ATRX: variants seen among roughly 807,000 people sequenced by gnomAD.
The protein encoded by ATRX is chromatin remodeler ATRX.
A neutral mutation model predicts 172.6 loss-of-function variants in ATRX; 12 were observed. That is an observed-to-expected ratio of 0.07 (90% CI 0.04 to 0.11). The LOEUF is 0.11. Ranked by LOEUF, ATRX falls within the 10% of genes least tolerant of loss-of-function variation. ATRX has a pLI of 1.00. For synonymous variants in ATRX, 674 were observed against 594.7 expected (o/e 1.13, Z -1.94); for missense variants, 1,368 against 1,767.4 (o/e 0.77, Z 4.05).
At chrX:77,720,837 T>C (rs782169823) in intron 1 of ATRX, among the ~76,000 whole-genome samples, 37 of 111,679 alleles carry the variant, frequency 3.3e-4, no homozygotes, top group African/African-American at 1.2e-3. Flanking sequence ...GAGGCCAGCA[T>C]CATCCTGATA....
intron 1 of ATRX, among the ~76,000 whole-genome samples, chrX:77,720,345 G>C (rs2073684857): frequency 8.9e-6 from 1 of 111,828 alleles, no homozygotes; most frequent in South Asian, 3.7e-4. Flanking sequence ...AGAACTCAAA[G>C]AGATAGAGAC....
intron 9 of ATRX, among the ~76,000 whole-genome samples, chrX:77,678,059 T>C (rs1176721088): frequency 9.1e-6 from 1 of 110,145 alleles, no homozygotes; most frequent in Non-Finnish European, 1.9e-5. Flanking sequence ...ATACAAAAAT[T>C]AGCCAATGTG....
chrX:77,785,112 T>G (rs1603353063), intron 1 of ATRX, among the ~76,000 whole-genome samples: 2 of 111,620 alleles, frequency 1.8e-5, no homozygotes, highest in South Asian at 3.7e-4. Flanking sequence ...TAAACGTGCT[T>G]GATTGGTTAA....
chrX:77,686,575 G>C (rs1439849162), intron 7 of ATRX, among the ~76,000 whole-genome samples: 1 of 110,175 alleles, frequency 9.1e-6, no homozygotes, highest in African/African-American at 3.3e-5. Context: ...AATTAGCCGG[G>C]CGTGGTGGCA....
chrX:77,612,803 G>C lies in ATRX; in HGVS notation c.5566+3810C>G, dbSNP rs182024379. 4.5e-5 allele frequency among the ~76,000 whole-genome samples: 5 copies of C among 111,032 alleles called. No homozygotes were observed. In the Admixed American group the frequency reaches 4.8e-4, roughly 11 times the overall value. ...ATCACCATTCTACTTTCTACTCGTA[G>C]AGTTTGGCTACTCTAGGTACCTTTA... is the stretch of plus-strand genomic sequence containing the variant. On this transcript the variant is annotated intron_variant, in intron 22 of 34. Coordinates refer to ENST00000373344, the MANE Select transcript of ATRX (RefSeq NM_000489.6).
At chrX:77,520,314 A>C (rs1187419432) in intron 34 of ATRX, among the ~76,000 whole-genome samples, 1 of 111,711 alleles carries the variant, frequency 9.0e-6, no homozygotes, top group African/African-American at 3.2e-5. Context: ...GTATAACTGG[A>C]TTGTTTGTAA....
intron 1 of ATRX, among the ~76,000 whole-genome samples, chrX:77,722,292 A>G (rs1569542805): frequency 9.0e-6 from 1 of 111,119 alleles, no homozygotes; most frequent in African/African-American, 3.3e-5. Flanking sequence ...CTAAAACACC[A>G]AAAGCAATGA....
At chrX:77,690,839 C>G (rs2071843503) in intron 6 of ATRX, 1 of 112,032 alleles carries the variant, frequency 8.9e-6, no homozygotes, top group Non-Finnish European at 1.9e-5. Context: ...ATACATCGCT[C>G]AAGAATTAAA....
chrX:77,646,548 C>A (rs974143855), intron 15 of ATRX, among the ~76,000 whole-genome samples: 2 of 111,567 alleles, frequency 1.8e-5, no homozygotes, highest in African/African-American at 6.5e-5. Flanking sequence ...CAGTTGGAGA[C>A]ATAAATAGCC....
intron 30 of ATRX, among the ~76,000 whole-genome samples, chrX:77,550,515 A>T (rs1322622862): frequency 2.7e-5 from 3 of 111,644 alleles, no homozygotes; most frequent in Non-Finnish European, 3.8e-5. Flanking sequence ...TATCATACTG[A>T]ATGGGCAAAA....
At chrX:77,702,298 C>T (rs782776309) in intron 2 of ATRX, among the ~76,000 whole-genome samples, 3 of 111,792 alleles carry the variant, frequency 2.7e-5, no homozygotes, top group Non-Finnish European at 5.6e-5. Context: ...CAAAAATTAG[C>T]TGGGCGTGGT....
intron 27 of ATRX, among the ~76,000 whole-genome samples, chrX:77,586,168 TA>T (rs1446097592): frequency 3.9e-4 from 44 of 112,664 alleles, no homozygotes; most frequent in African/African-American, 1.4e-3. Context: ...TCACAAAGGA[TA>T]AATGTTTGAG....
chrX:77,726,105 C>A (rs1472157152), intron 1 of ATRX, among the ~76,000 whole-genome samples: 1 of 111,559 alleles, frequency 9.0e-6, no homozygotes, highest in Non-Finnish European at 1.9e-5. Flanking sequence ...CCATTTGACC[C>A]AGCCACCCCA....
intron 2 of ATRX, among the ~76,000 whole-genome samples, chrX:77,705,513 A>G (rs1358004899): frequency 5.3e-5 from 6 of 112,226 alleles, no homozygotes; most frequent in African/African-American, 1.9e-4. Context: ...AAACTAATCT[A>G]CAGACACGCT....
chrX:77,522,161 C>CT, intron 32 of ATRX, 102 bp downstream of exon 32: 1 of 1,090,392 alleles, frequency 9.2e-7, no homozygotes, highest in Admixed American at 2.2e-5. Context: ...CAGGGGTAAT[C>CT]TTTTGGAGAA....
intron 15 of ATRX, among the ~76,000 whole-genome samples, chrX:77,637,780 A>C (rs1355872806): frequency 7.4e-5 from 8 of 108,620 alleles, no homozygotes; most frequent in African/African-American, 2.7e-4. Flanking sequence ...TGTCTCTACA[A>C]AATATACAAA....
At chrX:77,643,803 C>T (rs1186324040) in intron 15 of ATRX, among the ~76,000 whole-genome samples, 4 of 111,143 alleles carry the variant, frequency 3.6e-5, no homozygotes, top group African/African-American at 1.3e-4. Context: ...AATACATGCT[C>T]AGAAAAGATC....
chrX:77,616,281 G>C, intron 22 of ATRX: 1 of 892,967 alleles, frequency 1.1e-6, no homozygotes, highest in Non-Finnish European at 1.4e-6. Flanking sequence ...ATTAATGTGG[G>C]TAAATACTTT....
intron 30 of ATRX, among the ~76,000 whole-genome samples, chrX:77,542,508 A>C (rs1557051358): frequency 8.9e-6 from 1 of 112,288 alleles, no homozygotes; most frequent in East Asian, 2.8e-4. Flanking sequence ...CTGCAAAGCC[A>C]AGACAATTCT....
Sources: gnomAD v4.1 joint callset for allele counts (sites outside exome capture counted in the v4.1 genomes callset) on GRCh38, gnomAD v4.1.1 for gene constraint, MANE v1.5 for transcripts, NCBI Gene and HGNC (gene_info 2026-07-23, HGNC 2026-07-21) for gene names.